The following NCAPD2 variants were observed in gnomAD, a reference collection of about 807,000 sequenced individuals.
The protein encoded by NCAPD2 is condensin complex subunit 1.
NCAPD2 carries 100 observed loss-of-function variants against 164.5 expected under a neutral mutation model. The ratio of observed to expected loss-of-function variants is 0.61; its 90% CI spans 0.52 to 0.72. The LOEUF (loss-of-function observed/expected upper bound fraction) is 0.72. NCAPD2 is among the 30% of genes least tolerant of loss of function. The pLI, the probability that NCAPD2 is intolerant of heterozygous loss-of-function variation, is 0.00. For synonymous variants in NCAPD2, 585 were observed against 642.6 expected, an observed-to-expected ratio of 0.91 and a Z score of 1.36; for missense variants, 1,560 against 1,749.2, an observed-to-expected ratio of 0.89 and a Z score of 1.93.
chr12:6,519,217 G>A (rs984043900), intron 13 of NCAPD2, among the ~76,000 whole-genome samples: 6 of 152,094 alleles, frequency 3.9e-5, no homozygotes, highest in Non-Finnish European at 1.5e-5. Flanking sequence ...GCTAGAGAGT[G>A]GCTTGTTTGC....
intron 6 of NCAPD2, among the ~76,000 whole-genome samples, chr12:6,511,468 G>A (rs958709549): frequency 7.9e-5 from 12 of 152,114 alleles, no homozygotes; most frequent in South Asian, 2.1e-4. Flanking sequence ...GAGTAGCTGG[G>A]ATTACAGGTG....
chr12:6,496,368 GC>G (rs755057664), intron 2 of NCAPD2, among the ~76,000 whole-genome samples: 1 of 152,110 alleles, frequency 6.6e-6, no homozygotes. Flanking sequence ...CTAGATGGCA[GC>G]TTCTTCCTCT....
chr12:6,521,200 C>T (rs1302228878), intron 14 of NCAPD2, 90 bp downstream of exon 14: 3 of 1,488,868 alleles, frequency 2.0e-6, no homozygotes, highest in Admixed American at 3.8e-5. Context: ...GCCTGGTTAA[C>T]AGAACCTGGT....
At chr12:6,527,730 A>G in intron 22 of NCAPD2, 47 bp from the exon 23 acceptor site, 2 of 1,552,352 alleles carry the variant, frequency 1.3e-6, no homozygotes, top group African/African-American at 1.4e-5. Flanking sequence ...CTGGAATCAA[A>G]AATGTTGTCT....
intron 2 of NCAPD2, among the ~76,000 whole-genome samples, chr12:6,499,998 C>G (rs1946020521): frequency 6.6e-6 from 1 of 152,098 alleles, no homozygotes; most frequent in Non-Finnish European, 1.5e-5. Context: ...TGGTGCACAC[C>G]TGTAGTTCCA....
chr12:6,515,406 A>G (rs1475332318), intron 9 of NCAPD2, among the ~76,000 whole-genome samples: 1 of 151,996 alleles, frequency 6.6e-6, no homozygotes, highest in Non-Finnish European at 1.5e-5. Context: ...GCTAGTCTCA[A>G]ACTCCTGGTC....
At chr12:6,514,960 A>T (rs1946185209) in intron 9 of NCAPD2, 40 bp downstream of exon 9, 8 of 1,610,822 alleles carry the variant, frequency 5.0e-6, no homozygotes, top group Non-Finnish European at 6.8e-6. Context: ...TTTTCTGGGG[A>T]TTTTAAGTCC....
chr12:6,525,653 A>G lies in NCAPD2; in HGVS notation c.2285A>G (p.Glu762Gly), dbSNP rs1360469939. 2.5e-6 allele frequency: 4 copies of G among 1,613,444 alleles called. No individual in the cohort carries two copies. Among genetic ancestry groups the G allele is most frequent in the Non-Finnish European group, 3.4e-6 (4 of 1,179,998 alleles). Residue 762 changes from glutamate (E) to glycine (G), a missense_variant, in exon 18 of 32, where the codon GAG (glutamate) becomes GGG (glycine). Transcript: ENST00000315579. ...VTQLLWERAT[E>G]KVACCPLERC... is the part of the protein sequence containing the mutation. Reference sequence around the variant, plus strand: ...CAGCTGCTGTGGGAGCGGGCCACCGAGAAGGTCGCCTGCTGTCCTCTGGAG... The same window carrying G: ...CAGCTGCTGTGGGAGCGGGCCACCGGGAAGGTCGCCTGCTGTCCTCTGGAG...
At chr12:6,518,533 T>TTTTTTTTTTTTTTG (rs1565544225) in intron 13 of NCAPD2, among the ~76,000 whole-genome samples, 1 of 138,684 alleles carries the variant, frequency 7.2e-6, no homozygotes, top group Non-Finnish European at 1.5e-5. Flanking sequence ...TTTTTTTTTT[T>TTTTTTTTTTTTTTG]TGAGATGGAG....
chr12:6,514,921 G>A lies in NCAPD2; in HGVS notation c.987+1G>A. ...TTTGCTAGATCACCTGGATGGAGAA[G>A]TAGGTGGTCCACTAGGGGTCACTGA... On this transcript the variant is annotated splice_donor_variant, in intron 9 of 31. Transcript: ENST00000315579. LOFTEE classifies it high-confidence loss of function. 1 of 1,614,228 alleles carries A rather than the reference G, an allele frequency of 6.2e-7. No homozygotes were observed. The highest frequency in any genetic ancestry group is 8.5e-7 in the Non-Finnish European group (1 of 1,180,044).
chr12:6,518,503 A>AT (rs1565544079), intron 13 of NCAPD2, among the ~76,000 whole-genome samples: 1 of 30,714 alleles, frequency 3.3e-5, no homozygotes, highest in Admixed American at 3.9e-4. Flanking sequence ...GCCGTCAACA[A>AT]GTTTTTTTTT....
At position 6,514,935 on chromosome 12, in the gene NCAPD2, A is replaced by AG; in HGVS notation, c.987+19dup. ...TGGATGGAGAAGTAGGTGGTCCACTAGGGGTCACTGAGCTTTTTCTGGGGA... is the reference window on the plus strand; with the variant it reads ...TGGATGGAGAAGTAGGTGGTCCACTAGGGGGTCACTGAGCTTTTTCTGGGGA... On this transcript the variant is annotated intron_variant, in intron 9 of 31. Coordinates refer to ENST00000315579, the MANE Select transcript of NCAPD2 (RefSeq NM_014865.4). The AG allele has an allele frequency of 6.2e-7, 1 of 1,613,916 alleles. No individual in the cohort carries two copies. Among genetic ancestry groups the AG allele is most frequent in the Non-Finnish European group, 8.5e-7 (1 of 1,179,876 alleles).
At chr12:6,514,011 G>T (rs942324884) in intron 6 of NCAPD2, among the ~76,000 whole-genome samples, 4 of 151,976 alleles carry the variant, frequency 2.6e-5, no homozygotes, top group South Asian at 2.1e-4. Context: ...CACCACACCC[G>T]GCCAACTCTA....
chr12:6,531,210 C>A lies in NCAPD2; in HGVS notation c.4121-117C>A. 2 of 1,481,494 alleles carry A rather than the reference C, an allele frequency of 1.3e-6. No homozygotes were observed. Among genetic ancestry groups the A allele is most frequent in the Non-Finnish European group, 1.9e-6 (2 of 1,078,712 alleles). The allele number at this position is 1,481,494 out of a possible 1,614,324, so 91.8% of individuals were successfully genotyped here. On this transcript the variant is annotated intron_variant, in intron 31 of 31. Transcript: ENST00000315579. This position sits in a 1 kb window ranked among gnomAD's most constrained non-coding sequence, Gnocchi z 4.1. ...CTGCCGCAGAAGGGCCTCTCCTGTACAGCTTGGATTTTATTTCTTCTGTGC... is the reference window on the plus strand; with the variant it reads ...CTGCCGCAGAAGGGCCTCTCCTGTAAAGCTTGGATTTTATTTCTTCTGTGC...
intron 6 of NCAPD2, 21 bp from the exon 7 acceptor site, chr12:6,514,244 C>T: frequency 6.2e-7 from 1 of 1,614,030 alleles, no homozygotes; most frequent in South Asian, 1.1e-5. Flanking sequence ...CTTTCATCAT[C>T]TCAAACTCTT....
intron 15 of NCAPD2, 77 bp from the exon 16 acceptor site, chr12:6,522,751 A>C: frequency 2.0e-6 from 3 of 1,523,856 alleles, no homozygotes; most frequent in South Asian, 2.4e-5. Flanking sequence ...ATCTTGCTAC[A>C]TTCAGAAAGG....
intron 18 of NCAPD2, 100 bp from the exon 19 acceptor site, chr12:6,525,968 A>G: frequency 1.4e-6 from 2 of 1,478,954 alleles, no homozygotes; most frequent in African/African-American, 2.8e-5. Flanking sequence ...CCACGGCTCT[A>G]GACACCACAT....
intron 2 of NCAPD2, among the ~76,000 whole-genome samples, chr12:6,503,078 G>A (rs1043144985): frequency 1.4e-5 from 2 of 141,170 alleles, no homozygotes; most frequent in Non-Finnish European, 3.0e-5. Context: ...GGCTGGTCTC[G>A]AACTCCTGAC....
Position 6,514,847 on chromosome 12 carries a change from C to A in NCAPD2, c.914C>A (p.Thr305Lys), listed in dbSNP as rs775022978. The change falls in exon 9 of 32, where the codon ACA becomes AAA. Residue 305 changes from threonine to lysine, a missense_variant. Thr to Lys is a moderately conservative substitution (Grantham distance 78). Transcript: ENST00000315579. ...ACAAAGGGCTTTGCAGCATTCCTGA[C>A]AGAACTAGCAGAACGTGTCCCAGCT... ...SGTKGFAAFLTELAERVPAIL... is the reference protein window; with the variant it reads ...SGTKGFAAFLKELAERVPAIL... The A allele has an allele frequency of 1.9e-6, 3 of 1,614,196 alleles. No individual in the cohort carries two copies. In the East Asian group the frequency reaches 6.7e-5, roughly 36 times the overall value.
Sources: gnomAD v4.1 joint callset for allele counts (sites outside exome capture counted in the v4.1 genomes callset) on GRCh38, gnomAD v4.1.1 for gene constraint, Gnocchi (gnomAD v3.1) non-coding constraint, MANE v1.5 for transcripts, NCBI Gene and HGNC (gene_info 2026-07-23, HGNC 2026-07-21) for gene names.